Variants in DLG2 observed in about 807,000 individuals in gnomAD.
The protein encoded by DLG2 is disks large homolog 2.
A neutral mutation model predicts 132.5 loss-of-function variants in DLG2; 45 were observed. The observed-to-expected ratio is 0.34, with a 90% CI of 0.27 to 0.44. The LOEUF is 0.44. Among genes scored for constraint, DLG2 ranks in the 20% least tolerant of loss-of-function variants. The pLI is 1.00. For missense variants in DLG2, 1,045 were observed against 1,196.9 expected, an observed-to-expected ratio of 0.87 and a Z score of 1.87; for synonymous variants, 424 against 419.6, an observed-to-expected ratio of 1.01 and a Z score of -0.13.
chr11:85,443,185 T>A (rs906217916), intron 3 of DLG2, among the ~76,000 whole-genome samples: 1 of 152,226 alleles, frequency 6.6e-6, no homozygotes, highest in Non-Finnish European at 1.5e-5. Flanking sequence ...TTTTATCTAC[T>A]ACAGCACGAT....
intron 10 of DLG2, among the ~76,000 whole-genome samples, chr11:84,074,250 T>C (rs1264516979): frequency 2.0e-5 from 3 of 152,174 alleles, no homozygotes; most frequent in Admixed American, 6.6e-5. Context: ...AAAGACACCA[T>C]CATACATTCA....
intron 7 of DLG2, among the ~76,000 whole-genome samples, chr11:84,315,529 A>G (rs755395294): frequency 1.3e-5 from 2 of 152,200 alleles, no homozygotes; most frequent in East Asian, 1.9e-4. Flanking sequence ...TATTTGTTAA[A>G]GAGTATATAC....
chr11:85,619,112 C>A (rs1234437707), intron 2 of DLG2, among the ~76,000 whole-genome samples: 1 of 152,180 alleles, frequency 6.6e-6, no homozygotes, highest in African/African-American at 2.4e-5. Flanking sequence ...TCTATTTATG[C>A]CTCCTGGATT....
chr11:85,108,979 T>C (rs1465390328), intron 6 of DLG2, among the ~76,000 whole-genome samples: 1 of 152,114 alleles, frequency 6.6e-6, no homozygotes, highest in Non-Finnish European at 1.5e-5. Context: ...CATAACTTTT[T>C]CCAAACTGTT....
chr11:83,895,143 G>GTTTTTTTTTTTTTTT (rs2071228323), intron 15 of DLG2, among the ~76,000 whole-genome samples: 1 of 124,946 alleles, frequency 8.0e-6, no homozygotes, highest in African/African-American at 2.9e-5. Context: ...AAGAACTACT[G>GTTTTTTTTTTTTTTT]TCTTTTTTTT....
At chr11:84,107,636 G>C (rs140150824) in intron 9 of DLG2, among the ~76,000 whole-genome samples, 1 of 152,036 alleles carries the variant, frequency 6.6e-6, no homozygotes, top group South Asian at 2.1e-4. Context: ...ATGGGTAGGG[G>C]GAGGAATACT....
chr11:84,143,182 A>AGT (rs1034576664), intron 9 of DLG2, among the ~76,000 whole-genome samples: 2 of 79,512 alleles, frequency 2.5e-5, no homozygotes, highest in Non-Finnish European at 7.7e-5. Context: ...TTTTTTAGTC[A>AGT]GTATATAAAA....
intron 5 of DLG2, among the ~76,000 whole-genome samples, chr11:85,148,658 C>T (rs184058605): frequency 1.2e-4 from 18 of 152,280 alleles, no homozygotes; most frequent in African/African-American, 3.8e-4. Flanking sequence ...AGACCTTTGT[C>T]AGATGGGTAG....
intron 14 of DLG2, among the ~76,000 whole-genome samples, chr11:83,943,690 C>T (rs72947773): frequency 2.0e-5 from 3 of 152,186 alleles, no homozygotes; most frequent in Non-Finnish European, 2.9e-5. Flanking sequence ...AAAGATGACA[C>T]AAAATTAAAG....
intron 18 of DLG2, among the ~76,000 whole-genome samples, chr11:83,651,072 T>C (rs1024115684): frequency 6.6e-6 from 1 of 152,246 alleles, no homozygotes; most frequent in Admixed American, 6.5e-5. Context: ...TTATGTTTAT[T>C]ATACCTGTTT....
At chr11:84,932,871 G>A (rs529263250) in intron 6 of DLG2, among the ~76,000 whole-genome samples, 23 of 152,140 alleles carry the variant, frequency 1.5e-4, no homozygotes, top group African/African-American at 2.9e-4. Flanking sequence ...CTTTGGGTAC[G>A]TACCCAGTAA....
intron 7 of DLG2, among the ~76,000 whole-genome samples, chr11:84,500,952 C>T (rs1412724780): frequency 2.0e-5 from 3 of 152,234 alleles, no homozygotes; most frequent in Middle Eastern, 3.4e-3. Flanking sequence ...CAATAATTCT[C>T]ACTTATATGA....
At chr11:84,051,216 T>C (rs929276920) in intron 11 of DLG2, among the ~76,000 whole-genome samples, 28 of 151,856 alleles carry the variant, frequency 1.8e-4, no homozygotes, top group African/African-American at 5.8e-4. Context: ...GTCAGTGTGG[T>C]GATTCCTCAG....
At chr11:84,949,352 G>A (rs528313189) in intron 6 of DLG2, among the ~76,000 whole-genome samples, 16 of 152,154 alleles carry the variant, frequency 1.1e-4, no homozygotes, top group African/African-American at 3.9e-4. Flanking sequence ...CCACAGGACC[G>A]AGGTGAAATT....
At chr11:84,527,695 T>G (rs2099325532) in intron 7 of DLG2, among the ~76,000 whole-genome samples, 1 of 152,348 alleles carries the variant, frequency 6.6e-6, no homozygotes, top group East Asian at 1.9e-4. Flanking sequence ...AAGCCGGTTT[T>G]GACTGCAAGA....
chr11:85,509,932 A>T (rs1440748171), intron 3 of DLG2: 1 of 151,964 alleles, frequency 6.6e-6, no homozygotes, highest in Non-Finnish European at 1.5e-5. Flanking sequence ...GACAAAGGTT[A>T]GTTCGGCGCT....
intron 8 of DLG2, among the ~76,000 whole-genome samples, chr11:84,243,017 C>CTCTATATATATATA (rs542476924): frequency 7.0e-6 from 1 of 142,146 alleles, no homozygotes; most frequent in South Asian, 2.3e-4. Context: ...CTCTCTCTCT[C>CTCTATATATATATA]TATATATATA....
At chr11:84,810,395 C>T (rs1348752163) in intron 6 of DLG2, among the ~76,000 whole-genome samples, 1 of 152,008 alleles carries the variant, frequency 6.6e-6, no homozygotes, top group Non-Finnish European at 1.5e-5. Flanking sequence ...ACATAACAGC[C>T]ACAGTAATTA....
intron 6 of DLG2, among the ~76,000 whole-genome samples, chr11:84,735,298 A>T (rs1321533078): frequency 6.6e-6 from 1 of 152,176 alleles, no homozygotes; most frequent in Non-Finnish European, 1.5e-5. Context: ...GCTATTAATT[A>T]TTGCCTCAAT....
Sources: allele counts gnomAD v4.1 joint callset (sites outside exome capture counted in the v4.1 genomes callset), GRCh38; gene constraint gnomAD v4.1.1; transcripts MANE v1.5; gene names NCBI Gene and HGNC (gene_info 2026-07-23, HGNC 2026-07-21).